UNC80: variants seen among roughly 807,000 people sequenced by gnomAD.
The protein encoded by UNC80 is protein unc-80 homolog.
In UNC80, 164 loss-of-function variants were observed where a neutral mutation model predicts 384.6. The observed-to-expected ratio is 0.43, with a 90% confidence interval of 0.38 to 0.49. UNC80 has a LOEUF of 0.49. Ranked by LOEUF, UNC80 falls within the 20% of genes least tolerant of loss-of-function variation. The pLI, the probability that UNC80 is intolerant of heterozygous loss-of-function variation, is 0.00. For synonymous variants in UNC80, 1,486 were observed against 1,527.8 expected (o/e 0.97, Z 0.64); for missense variants, 3,330 against 4,143.0 (o/e 0.80, Z 5.39).
At position 209,995,768 on chromosome 2, in the gene UNC80, T is replaced by A. The variant is rs2093474814; in HGVS notation, c.*173T>A. ...CAATACACATGATGTTTCATAAACA[T>A]CTTAAAAGTCAATGGCTAAAAGGAT... On this transcript the variant is annotated 3_prime_UTR_variant, in exon 65 of 65. Coordinates refer to ENST00000673920, the MANE Select transcript of UNC80 (RefSeq NM_001371986.1). The A allele has an allele frequency of 1.4e-6, 1 of 723,128 alleles. No individual in the cohort carries two copies. The allele number at this position is 723,128 out of a possible 1,614,324, so 44.8% of individuals were successfully genotyped here.
chr2:209,869,394 A>C (rs1369250920), intron 22 of UNC80, among the ~76,000 whole-genome samples: 1 of 152,200 alleles, frequency 6.6e-6, no homozygotes, highest in Non-Finnish European at 1.5e-5. Flanking sequence ...CACTCACACC[A>C]GAATTCCTTG....
intron 22 of UNC80, among the ~76,000 whole-genome samples, chr2:209,871,609 G>C (rs1393715941): frequency 2.0e-5 from 3 of 152,020 alleles, no homozygotes; most frequent in African/African-American, 7.2e-5. Flanking sequence ...AAATAATATT[G>C]TGATGTATTT....
At chr2:209,871,576 G>T (rs1297979437) in intron 22 of UNC80, among the ~76,000 whole-genome samples, 3 of 152,016 alleles carry the variant, frequency 2.0e-5, no homozygotes, top group Non-Finnish European at 4.4e-5. Flanking sequence ...GTAACCTATG[G>T]TTATTAGTAA....
chr2:209,973,024 T>C, intron 55 of UNC80, 40 bp from the exon 56 acceptor site: 1 of 1,540,414 alleles, frequency 6.5e-7, no homozygotes, highest in Non-Finnish European at 8.8e-7. Flanking sequence ...CCTTGTGATG[T>C]TTTTCTTTCC....
In UNC80 at chr2:209,816,972, A is replaced by T; in HGVS notation, c.1399A>T (p.Arg467Trp). The part of the protein sequence containing the change: ...GSIPFHHTGK[R>W]RPRRMGVPFL... ...CATTCCATTCCACCACACAGGCAAG[A>T]GGAGGCCACGGAGAATGGGAGTGCC... Residue 467 changes from arginine to tryptophan, a missense_variant, in exon 10 of 65, where the codon AGG becomes TGG. This residue lies in a region of UNC80 where 937 missense variants were observed against 1,026.8 expected (regional missense o/e 0.91). Coordinates refer to ENST00000673920, the MANE Select transcript of UNC80 (RefSeq NM_001371986.1). 1 of 1,551,692 alleles carries T rather than the reference A, an allele frequency of 6.4e-7. No homozygotes were observed. Among genetic ancestry groups the T allele is most frequent in the Middle Eastern group, 1.7e-4 (1 of 5,992 alleles).
At chr2:209,866,490 C>CACACACAAACACACA (rs1559226593) in intron 22 of UNC80, among the ~76,000 whole-genome samples, 1 of 107,552 alleles carries the variant, frequency 9.3e-6, no homozygotes, top group African/African-American at 3.6e-5. Flanking sequence ...AAATGCACCC[C>CACACACAAACACACA]CACACACACA....
intron 48 of UNC80, among the ~76,000 whole-genome samples, chr2:209,955,065 T>C (rs1377173449): frequency 2.0e-5 from 3 of 152,142 alleles, no homozygotes; most frequent in African/African-American, 7.2e-5. Flanking sequence ...TCTGTTCCCA[T>C]CTAAATTAGC....
In UNC80 at chr2:209,856,224, CA is replaced by C. The variant is rs1483979490; in HGVS notation, c.3627+6602del. ...CCTAAAGCTTAAGAAGTCTTGTCATCAGTTTATTTACTATTTCTGTTTCTGC... is the reference window on the plus strand; with the variant it reads ...CCTAAAGCTTAAGAAGTCTTGTCATCGTTTATTTACTATTTCTGTTTCTGC... On this transcript the variant is annotated intron_variant, in intron 22 of 64. Coordinates refer to ENST00000673920, the MANE Select transcript of UNC80 (RefSeq NM_001371986.1). 2.6e-5 allele frequency among the ~76,000 whole-genome samples: 4 copies of C among 152,046 alleles called. No individual in the cohort carries two copies. In the East Asian group the frequency reaches 7.7e-4, roughly 29 times the overall value.
intron 13 of UNC80, among the ~76,000 whole-genome samples, chr2:209,825,550 T>C (rs147647831): frequency 0.012 from 1,822 of 152,254 alleles, 38 homozygotes; most frequent in African/African-American, 0.04. Context: ...CTGATGAGGG[T>C]AGTTTCTAAT....
At chr2:209,925,779 TC>T (rs2124958826) in intron 35 of UNC80, among the ~76,000 whole-genome samples, 1 of 152,278 alleles carries the variant, frequency 6.6e-6, no homozygotes, top group African/African-American at 2.4e-5. Flanking sequence ...ACAAAAGTTC[TC>T]CAAGTCCACA....
chr2:209,954,501 T>C (rs1469568289), intron 48 of UNC80: 1 of 334,018 alleles, frequency 3.0e-6, no homozygotes, highest in Non-Finnish European at 5.3e-6. Flanking sequence ...ATAATATTCT[T>C]ACTATCATTG....
intron 37 of UNC80, 48 bp downstream of exon 37, chr2:209,930,019 A>G: frequency 1.5e-6 from 2 of 1,329,774 alleles, no homozygotes; most frequent in Non-Finnish European, 2.0e-6. Context: ...ACAAGTGTGA[A>G]CACTGTTAAA....
chr2:209,874,683 C>T (rs2084620765), intron 23 of UNC80, among the ~76,000 whole-genome samples: 1 of 152,194 alleles, frequency 6.6e-6, no homozygotes, highest in Non-Finnish European at 1.5e-5. Context: ...CTCTTAATTT[C>T]TTCCAATATA....
intron 48 of UNC80, among the ~76,000 whole-genome samples, chr2:209,956,990 A>G (rs1414314214): frequency 6.6e-6 from 1 of 152,232 alleles, no homozygotes; most frequent in African/African-American, 2.4e-5. Context: ...TGCTTTAAAA[A>G]AAACTGCATT....
intron 36 of UNC80, 45 bp from the exon 37 acceptor site, chr2:209,929,824 CTT>C (rs1382080390): frequency 2.2e-6 from 3 of 1,362,886 alleles, no homozygotes; most frequent in East Asian, 2.7e-5. Context: ...ATCTCATAGA[CTT>C]AACTCCATTA....
At chr2:209,812,450 A>G in intron 7 of UNC80, among the ~76,000 whole-genome samples, 1 of 151,010 alleles carries the variant, frequency 6.6e-6, no homozygotes, top group South Asian at 2.1e-4. Flanking sequence ...TAGATTTTTT[A>G]ATTAAAAAAA....
chr2:209,983,777 G>A (rs112379094), intron 60 of UNC80, among the ~76,000 whole-genome samples: 1 of 152,082 alleles, frequency 6.6e-6, no homozygotes, highest in African/African-American at 2.4e-5. Flanking sequence ...TTTGCAGGGA[G>A]AAAATTTGTC....
At chr2:209,906,130 TG>T (rs1386440438) in intron 29 of UNC80, among the ~76,000 whole-genome samples, 1 of 151,980 alleles carries the variant, frequency 6.6e-6, no homozygotes, top group Admixed American at 6.6e-5. Context: ...AGGTTTGGCC[TG>T]GGGAGGGGGT....
chr2:209,862,689 A>G (rs988259754), intron 22 of UNC80, among the ~76,000 whole-genome samples: 1 of 123,904 alleles, frequency 8.1e-6, no homozygotes, highest in Non-Finnish European at 1.6e-5. Flanking sequence ...TGCTTGGTAA[A>G]TTTTCTACCA....
Sources: gnomAD v4.1 joint callset for allele counts (sites outside exome capture counted in the v4.1 genomes callset) on GRCh38, gnomAD v4.1.1 for gene constraint, gnomAD v4.1.1 regional missense constraint, MANE v1.5 for transcripts, NCBI Gene and HGNC (gene_info 2026-07-23, HGNC 2026-07-21) for gene names.